Variants in BHLHE41 observed in about 807,000 individuals in gnomAD.
BHLHE41 encodes basic helix-loop-helix family member e41.
A neutral mutation model predicts 24.0 loss-of-function variants in BHLHE41; 14 were observed. The observed-to-expected ratio is 0.58, with a 90% CI of 0.39 to 0.91. BHLHE41 has a LOEUF of 0.91. BHLHE41 is among the 40% of genes least tolerant of loss of function. BHLHE41 has a pLI of 0.00. For missense variants in BHLHE41, 674 were observed against 655.4 expected (o/e 1.03, Z -0.31); for synonymous variants, 394 against 315.5 (o/e 1.25, Z -2.64).
Position 26,124,826 on chromosome 12 carries a change from A to C in BHLHE41, c.-47T>G. On this transcript the variant is annotated 5_prime_UTR_variant, in exon 1 of 5. Transcript: ENST00000242728. ...TCTGTTTCGATTTTTGGGGCTCTGTACAATAATCTGTGGGACGGTAGGCTT... is the reference window on the plus strand; with the variant it reads ...TCTGTTTCGATTTTTGGGGCTCTGTCCAATAATCTGTGGGACGGTAGGCTT... 6.3e-7 allele frequency: 1 copy of C among 1,592,454 alleles called. No homozygotes were observed. The highest frequency in any genetic ancestry group is 1.3e-5 in the African/African-American group (1 of 74,512).
In BHLHE41 at chr12:26,120,228, A is replaced by T. The variant is rs1378022244; in HGVS notation, c.*1838T>A. ...TCTTAAAACTAATTGAGCATCCATT[A>T]TGTCTTTTTTAATTATTAGACAATA... On this transcript the variant is annotated 3_prime_UTR_variant, in exon 5 of 5. Transcript: ENST00000242728. 2 of 152,640 alleles carry T rather than the reference A, an allele frequency of 1.3e-5. No homozygotes were observed. The highest frequency in any genetic ancestry group is 2.9e-5 in the Non-Finnish European group (2 of 68,038). 9.5% of individuals were successfully genotyped at this position (152,640 alleles called of 1,614,324 possible).
rs942552735 is a variant in BHLHE41, at chr12:26,124,285, A to G, written c.127-106T>C. 27 of 579,010 alleles carry G rather than the reference A, an allele frequency of 4.7e-5. No individual in the cohort carries two copies. The African/African-American group carries it at 6.5e-4, about 14-fold the overall frequency. 35.9% of individuals were successfully genotyped at this position (579,010 alleles called of 1,614,324 possible). On this transcript the variant is annotated intron_variant, in intron 2 of 4. Coordinates refer to ENST00000242728, the MANE Select transcript of BHLHE41 (RefSeq NM_030762.3). Reference sequence around the variant, plus strand: ...CCGCCCCCCCACCATAAAACATACTATGTGATAAACTACACCCAAGAAACC... The same window carrying G: ...CCGCCCCCCCACCATAAAACATACTGTGTGATAAACTACACCCAAGAAACC...
Position 26,122,017 on chromosome 12 carries a change from T to C in BHLHE41, c.*49A>G, listed in dbSNP as rs1944309786. 6.5e-7 allele frequency: 1 copy of C among 1,546,350 alleles called. No homozygotes were observed. Among genetic ancestry groups the C allele is most frequent in the Non-Finnish European group, 8.7e-7 (1 of 1,144,566 alleles). On this transcript the variant is annotated 3_prime_UTR_variant, in exon 5 of 5. Coordinates refer to ENST00000242728, the MANE Select transcript of BHLHE41 (RefSeq NM_030762.3). ...CTCTGCTTGAACCTCCTTAAGGGTA[T>C]TTTAACTTCTCACTCTGCTTGAACC... is the stretch of plus-strand genomic sequence containing the variant.
In BHLHE41 at chr12:26,122,381, C is replaced by G; in HGVS notation, c.1134G>C (p.Pro378=). 1 of 1,220,530 alleles carries G rather than the reference C, an allele frequency of 8.2e-7. No homozygotes were observed. Among genetic ancestry groups the G allele is most frequent in the South Asian group, 3.3e-5 (1 of 30,510 alleles). The allele number at this position is 1,220,530 out of a possible 1,614,324, so 75.6% of individuals were successfully genotyped here. ...GCGGGAACGGGGCGGCAGCCGCCGC[C>G]GGGTACAGATACTTCTCCAGGCCGC... is the stretch of plus-strand genomic sequence containing the variant. The part of the protein sequence containing the change: ...DKSGLEKYLY[P]AAAAAPFPLL... The change falls in exon 5 of 5, where the codon CCG becomes CCC. Residue 378 remains proline, a synonymous_variant. Transcript: ENST00000242728.
rs1944317460 is a variant in BHLHE41 at position 26,122,419 on chromosome 12, A to G, written c.1096T>C (p.Phe366Leu). 3.8e-6 allele frequency: 5 copies of G among 1,324,328 alleles called. No homozygotes were observed. Among genetic ancestry groups the G allele is most frequent in the Non-Finnish European group, 4.9e-6 (5 of 1,027,694 alleles). The allele number at this position is 1,324,328 out of a possible 1,614,324, so 82.0% of individuals were successfully genotyped here. ...TTCTCCAGGCCGCTCTTGTCCAGGA[A>G]GGGCTGCACGTAGGCGGCAGCTGCA... ...PSAAAAYVQP[F>L]LDKSGLEKYL... The change falls in exon 5 of 5, where the codon TTC becomes CTC. Residue 366 changes from phenylalanine to leucine, a missense_variant. This residue lies in a region of BHLHE41 where 602 missense variants were observed against 570.8 expected (regional missense o/e 1.05). Transcript: ENST00000242728.
At chr12:26,123,578 T>C in intron 4 of BHLHE41, 52 bp downstream of exon 4, 1 of 1,306,376 alleles carries the variant, frequency 7.7e-7, no homozygotes, top group Non-Finnish European at 1.1e-6. Flanking sequence ...ACTGCTCCCC[T>C]GTGGGCTGCC....
chr12:26,121,856 G>T lies in BHLHE41; in HGVS notation c.*210C>A. The T allele has an allele frequency of 8.2e-7, 1 of 1,224,024 alleles. No homozygotes were observed. Among genetic ancestry groups the T allele is most frequent in the Non-Finnish European group, 1.1e-6 (1 of 896,024 alleles). 75.8% of individuals were successfully genotyped at this position (1,224,024 alleles called of 1,614,324 possible). On this transcript the variant is annotated 3_prime_UTR_variant, in exon 5 of 5. Transcript: ENST00000242728. ...AAGAAAGGGATGTTAGTGTGTGGAG[G>T]GTGGGGTGGTGCGGGATGAGCAAAA...
Position 26,122,299 on chromosome 12 carries a change from C to T in BHLHE41, c.1216G>A (p.Ala406Thr). 1 of 1,182,400 alleles carries T rather than the reference C, an allele frequency of 8.5e-7. No individual in the cohort carries two copies. The highest frequency in any genetic ancestry group is 1.0e-6 in the Non-Finnish European group (1 of 957,986). The allele number at this position is 1,182,400 out of a possible 1,614,324, so 73.2% of individuals were successfully genotyped here. The change falls in exon 5 of 5, where the codon GCC becomes ACC. Residue 406 changes from alanine (A) to threonine (T), a missense_variant. Transcript: ENST00000242728. Reference protein sequence around the residue: ...AAAAAAAAAAAAAAAAFPCLS... With the variant: ...AAAAAAAAAATAAAAAFPCLS... ...CAGGGGAACGCGGCGGCGGCGGCGG[C>T]AGCGGCGGCGGCGGCTGCCGCGGCT...
rs746096185 is a variant in BHLHE41 at position 26,122,907 on chromosome 12, C to A, written c.608G>T (p.Cys203Phe). The A allele has an allele frequency of 2.6e-6, 4 of 1,548,904 alleles. No individual in the cohort carries two copies. Among genetic ancestry groups the A allele is most frequent in the Non-Finnish European group, 3.5e-6 (4 of 1,146,224 alleles). The part of the protein sequence containing the change: ...PSAAGSAAAP[C>F]LERAGQKLEP... ...CAGCTTCTGCCCCGCGCGCTCCAGG[C>A]AGGGGGCGGCCGCGGACCCGGCGGC... Residue 203 changes from cysteine to phenylalanine, a missense_variant, in exon 5 of 5, where the codon TGC becomes TTC. Around this residue, in one of 3 missense-constraint regions of BHLHE41, gnomAD observed 602 missense variants for 570.8 expected, o/e 1.05. Transcript: ENST00000242728.
intron 2 of BHLHE41, among the ~76,000 whole-genome samples, 158 bp from the exon 3 acceptor site, chr12:26,124,337 C>G (rs992176487): frequency 2.8e-5 from 4 of 141,274 alleles, no homozygotes; most frequent in African/African-American, 1.0e-4. Context: ...TTCTGCAATG[C>G]AATTTAAATT....
chr12:26,122,577 G>A lies in BHLHE41; in HGVS notation c.938C>T (p.Ala313Val). The A allele has an allele frequency of 9.0e-7, 1 of 1,115,866 alleles. No individual in the cohort carries two copies. The highest frequency in any genetic ancestry group is 1.1e-6 in the Non-Finnish European group (1 of 915,036). 69.1% of individuals were successfully genotyped at this position (1,115,866 alleles called of 1,614,324 possible). A position where few individuals can be genotyped will look rare whatever the true frequency, so the allele number is the denominator to read the frequency against. Reference sequence around the variant, plus strand: ...GGCGGCGTCGGGTCTCAGCAGCGCGGCCGCGGCGGCAGGGTCGGGCCCCAG... The same window carrying A: ...GGCGGCGTCGGGTCTCAGCAGCGCGACCGCGGCGGCAGGGTCGGGCCCCAG... ...ALLGPDPAAA[A>V]ALLRPDAALL... Residue 313 changes from alanine (A) to valine (V), a missense_variant, in exon 5 of 5, where the codon GCC becomes GTC. Physicochemically the swap from Ala to Val is moderately conservative, Grantham distance 64. Around this residue, in one of 3 missense-constraint regions of BHLHE41, gnomAD observed 602 missense variants for 570.8 expected, o/e 1.05. Coordinates refer to ENST00000242728, the MANE Select transcript of BHLHE41 (RefSeq NM_030762.3).
Position 26,122,582 on chromosome 12 carries a change from G to A in BHLHE41, c.933C>T (p.Ala311=), listed in dbSNP as rs1343673452. ...AAALLGPDPA[A]AAALLRPDAA... is the part of the protein sequence containing the mutation. ...CGTCGGGTCTCAGCAGCGCGGCCGCGGCGGCAGGGTCGGGCCCCAGAAGCG... is the reference window on the plus strand; with the variant it reads ...CGTCGGGTCTCAGCAGCGCGGCCGCAGCGGCAGGGTCGGGCCCCAGAAGCG... The change falls in exon 5 of 5, where the codon GCC becomes GCT. Residue 311 remains alanine (A), a synonymous_variant. Transcript: ENST00000242728. The A allele has an allele frequency of 1.2e-5, 13 of 1,112,924 alleles. No individual in the cohort carries two copies. Among genetic ancestry groups the A allele is most frequent in the Non-Finnish European group, 1.4e-5 (13 of 913,450 alleles). The allele number at this position is 1,112,924 out of a possible 1,614,324, so 68.9% of individuals were successfully genotyped here.
In BHLHE41 at chr12:26,121,786, A is replaced by T; in HGVS notation, c.*280T>A. The T allele has an allele frequency of 1.7e-6, 1 of 590,774 alleles. No individual in the cohort carries two copies. Among genetic ancestry groups the T allele is most frequent in the Non-Finnish European group, 2.6e-6 (1 of 390,836 alleles). The allele number at this position is 590,774 out of a possible 1,614,324, so 36.6% of individuals were successfully genotyped here. A position where few individuals can be genotyped will look rare whatever the true frequency, so the allele number is the denominator to read the frequency against. ...AAATTTATTTGGGGGATTAAAAAAA[A>T]GAGCCAGTGTCTTTCGCATAGGATC... On this transcript the variant is annotated 3_prime_UTR_variant, in exon 5 of 5. Transcript: ENST00000242728.
rs1313733621 is a variant in BHLHE41 at position 26,124,709 on chromosome 12, G to T, written c.62+9C>A. On this transcript the variant is annotated intron_variant, in intron 1 of 4. Coordinates refer to ENST00000242728, the MANE Select transcript of BHLHE41 (RefSeq NM_030762.3). ...TAGACAGATATTCGCAAGGGTGCGT[G>T]CACCTTACCCTATAAAATCTCTATG... 5.0e-6 allele frequency: 8 copies of T among 1,613,466 alleles called. No homozygotes were observed. The Admixed American group carries it at 8.3e-5, about 17-fold the overall frequency.
chr12:26,122,207 G>C lies in BHLHE41; in HGVS notation c.1308C>G (p.His436Gln), dbSNP rs997685013. ...AGAAAATLLP[H>Q]EVAPLGAPHP... is the part of the protein sequence containing the mutation. The stretch of plus-strand genomic sequence containing the variant: ...GCGGCGCCCCAAGGGGCGCCACCTC[G>C]TGCGGCAGGAGGGTCGCGGCGGCGG... The change falls in exon 5 of 5, where the codon CAC becomes CAG. Residue 436 changes from histidine to glutamine, a missense_variant. His to Gln is a conservative substitution (Grantham distance 24). Around this residue, in one of 3 missense-constraint regions of BHLHE41, gnomAD observed 602 missense variants for 570.8 expected, o/e 1.05. Transcript: ENST00000242728. 2.9e-6 allele frequency: 4 copies of C among 1,378,718 alleles called. No homozygotes were observed. Among genetic ancestry groups the C allele is most frequent in the Non-Finnish European group, 3.7e-6 (4 of 1,068,706 alleles). The allele number at this position is 1,378,718 out of a possible 1,614,324, so 85.4% of individuals were successfully genotyped here.
chr12:26,122,518 C>T lies in BHLHE41; in HGVS notation c.997G>A (p.Gly333Arg). Residue 333 changes from glycine (G) to arginine (R), a missense_variant, in exon 5 of 5, where the codon GGA becomes AGA. Around this residue, in one of 3 missense-constraint regions of BHLHE41, gnomAD observed 602 missense variants for 570.8 expected, o/e 1.05. Transcript: ENST00000242728. ...LSSLVAFGGG[G>R]GAPFPQPAAA... is the part of the protein sequence containing the mutation. ...GCGGGCTGCGGGAAGGGCGCGCCTCCGCCTCCGCCGAACGCCACCAGCGAG... is the reference window on the plus strand; with the variant it reads ...GCGGGCTGCGGGAAGGGCGCGCCTCTGCCTCCGCCGAACGCCACCAGCGAG... The T allele has an allele frequency of 1.6e-6, 2 of 1,289,166 alleles. No homozygotes were observed. Among genetic ancestry groups the T allele is most frequent in the Middle Eastern group, 3.0e-4 (1 of 3,308 alleles). The allele number at this position is 1,289,166 out of a possible 1,614,324, so 79.9% of individuals were successfully genotyped here. A position where few individuals can be genotyped will look rare whatever the true frequency, so the allele number is the denominator to read the frequency against.
Position 26,124,406 on chromosome 12 carries a change from T to G in BHLHE41, c.126+113A>C, listed in dbSNP as rs188749909. ...CCAGCAAGCCACTTAAAATTCACAG[T>G]TGGGGAAGCTCAGGGGCTGGAATAT... On this transcript the variant is annotated intron_variant, in intron 2 of 4. Coordinates refer to ENST00000242728, the MANE Select transcript of BHLHE41 (RefSeq NM_030762.3). The G allele has an allele frequency of 1.2e-3, 1,511 of 1,209,112 alleles. 7 individuals are homozygous for G. Among genetic ancestry groups the G allele is most frequent in the Admixed American group, 2.4e-3 (137 of 58,228 alleles). 74.9% of individuals were successfully genotyped at this position (1,209,112 alleles called of 1,614,324 possible).
chr12:26,123,493 A>G, intron 4 of BHLHE41, 137 bp downstream of exon 4: 1 of 756,622 alleles, frequency 1.3e-6, no homozygotes, highest in Non-Finnish European at 2.4e-6. Flanking sequence ...AAGGGAAAGT[A>G]TAAGCAATTT....
In BHLHE41 at chr12:26,123,687, T is replaced by G. The variant is rs1417219953; in HGVS notation, c.289A>C (p.Lys97Gln). ...TGCTCGGTTAAGGCGGTTAAAGCTT[T>G]TAAGTGTTTCAAAGTTAATTCCAAG... Reference protein sequence around the residue: ...VVLELTLKHLKALTALTEQQH... With the variant: ...VVLELTLKHLQALTALTEQQH... Residue 97 changes from lysine (K) to glutamine (Q), a missense_variant, in exon 4 of 5, where the codon AAA becomes CAA. Physicochemically the swap from Lys to Gln is moderately conservative, Grantham distance 53. This residue lies in a region of BHLHE41 where 602 missense variants were observed against 570.8 expected (regional missense o/e 1.05). Transcript: ENST00000242728. The G allele has an allele frequency of 6.8e-6, 11 of 1,614,090 alleles. 1 individual carries two copies. The South Asian group carries it at 1.2e-4, about 18-fold the overall frequency.
Sources: allele counts gnomAD v4.1 joint callset (sites outside exome capture counted in the v4.1 genomes callset), GRCh38; gene constraint gnomAD v4.1.1; regional missense constraint gnomAD v4.1.1; transcripts MANE v1.5; gene names NCBI Gene and HGNC (gene_info 2026-07-23, HGNC 2026-07-21).